Variants in MAP2 observed in about 807,000 individuals in gnomAD.
MAP2 encodes microtubule-associated protein 2.
In MAP2, 14 loss-of-function variants were observed where a neutral mutation model predicts 137.6. The observed-to-expected ratio is 0.10, with a 90% CI of 0.07 to 0.16. MAP2 has a LOEUF of 0.16. Among genes scored for constraint, MAP2 ranks in the 10% least tolerant of loss-of-function variants. The pLI is 1.00. For synonymous variants in MAP2, 786 were observed against 782.3 expected (o/e 1.00, Z -0.08); for missense variants, 2,088 against 2,191.5 (o/e 0.95, Z 0.94).
intron 2 of MAP2, among the ~76,000 whole-genome samples, chr2:209,573,353 GC>G: frequency 6.9e-6 from 1 of 145,696 alleles, no homozygotes; most frequent in South Asian, 2.2e-4. Context: ...GAGTGCAGTG[GC>G]ACGATCTCGG....
intron 1 of MAP2, among the ~76,000 whole-genome samples, chr2:209,424,921 C>T (rs1371046240): frequency 6.6e-6 from 1 of 150,626 alleles, no homozygotes; most frequent in Non-Finnish European, 1.5e-5. Flanking sequence ...TGGGGGTGGA[C>T]CTCTGAATCT....
At chr2:209,470,387 T>C (rs1705350634) in intron 1 of MAP2, among the ~76,000 whole-genome samples, 1 of 151,946 alleles carries the variant, frequency 6.6e-6, no homozygotes, top group South Asian at 2.1e-4. Flanking sequence ...TGTGCTATAC[T>C]GTAATTACGC....
At chr2:209,600,450 C>A (rs909559121) in intron 3 of MAP2, among the ~76,000 whole-genome samples, 3 of 152,106 alleles carry the variant, frequency 2.0e-5, no homozygotes, top group Non-Finnish European at 2.9e-5. Context: ...TGCTGTCAGT[C>A]CCCCCAGCTG....
chr2:209,710,515 CT>C (rs2065070321), intron 13 of MAP2: 2 of 410,816 alleles, frequency 4.9e-6, no homozygotes, highest in African/African-American at 4.2e-5. Context: ...TTTTTTTTTT[CT>C]GAATGTATCT....
chr2:209,662,929 G>T (rs1169187111), intron 5 of MAP2, among the ~76,000 whole-genome samples: 2 of 151,360 alleles, frequency 1.3e-5, no homozygotes, highest in African/African-American at 4.9e-5. Flanking sequence ...TTCTTATCAA[G>T]CAATAATGTG....
At chr2:209,581,402 T>G (rs2076381099) in intron 3 of MAP2, among the ~76,000 whole-genome samples, 1 of 152,180 alleles carries the variant, frequency 6.6e-6, no homozygotes, top group Non-Finnish European at 1.5e-5. Context: ...TTTCAGATAT[T>G]GAACAAAAGC....
chr2:209,434,138 A>G (rs886917602), intron 1 of MAP2, among the ~76,000 whole-genome samples: 3 of 152,166 alleles, frequency 2.0e-5, no homozygotes, highest in Admixed American at 6.6e-5. Context: ...CTCTTTATGC[A>G]TATATTGCTT....
At chr2:209,437,481 C>T (rs1337926322) in intron 1 of MAP2, among the ~76,000 whole-genome samples, 1 of 151,580 alleles carries the variant, frequency 6.6e-6, no homozygotes, top group Non-Finnish European at 1.5e-5. Context: ...TACATATTCT[C>T]ATGTGAAATT....
At chr2:209,610,630 C>G (rs1302898360) in intron 3 of MAP2, among the ~76,000 whole-genome samples, 1 of 152,110 alleles carries the variant, frequency 6.6e-6, no homozygotes, top group East Asian at 1.9e-4. Flanking sequence ...TAAACAGCCT[C>G]CTTATTAGAA....
chr2:209,535,340 T>C (rs1356267526), intron 2 of MAP2, among the ~76,000 whole-genome samples: 1 of 152,180 alleles, frequency 6.6e-6, no homozygotes, highest in Non-Finnish European at 1.5e-5. Flanking sequence ...CCTGGACAAC[T>C]TCACCGCATA....
chr2:209,603,803 C>T (rs958506585), intron 3 of MAP2, among the ~76,000 whole-genome samples: 4 of 152,018 alleles, frequency 2.6e-5, no homozygotes, highest in African/African-American at 7.2e-5. Flanking sequence ...AGGAAAGAAA[C>T]CACAATTGCT....
At chr2:209,473,597 TA>T (rs1372511935) in intron 1 of MAP2, among the ~76,000 whole-genome samples, 1 of 152,016 alleles carries the variant, frequency 6.6e-6, no homozygotes, top group African/African-American at 2.4e-5. Flanking sequence ...ATTTTATACT[TA>T]GGGGTATAGA....
At position 209,731,642 on chromosome 2, in the gene MAP2, T is replaced by G. The variant is rs1266192424; in HGVS notation, c.*1245T>G. 6.6e-6 allele frequency: 1 copy of G among 152,632 alleles called. No individual in the cohort carries two copies. Among genetic ancestry groups the G allele is most frequent in the Non-Finnish European group, 1.5e-5 (1 of 68,040 alleles). 9.5% of individuals were successfully genotyped at this position (152,632 alleles called of 1,614,324 possible). On this transcript the variant is annotated 3_prime_UTR_variant, in exon 16 of 16. Transcript: ENST00000682079. ...TCTTTATTTTTCTTTTTTTTTCCATTTGCTAAAGTTGAAAGTTGAAACTAA... is the reference window on the plus strand; with the variant it reads ...TCTTTATTTTTCTTTTTTTTTCCATGTGCTAAAGTTGAAAGTTGAAACTAA...
intron 5 of MAP2, among the ~76,000 whole-genome samples, chr2:209,656,336 C>T (rs1189213792): frequency 6.6e-6 from 1 of 151,740 alleles, no homozygotes; most frequent in African/African-American, 2.4e-5. Flanking sequence ...GGCAACATGG[C>T]AAAACCTCAT....
intron 2 of MAP2, among the ~76,000 whole-genome samples, chr2:209,546,379 AAATGATTATGTAGTTATGTAATATGT>A (rs745437058): frequency 6.6e-6 from 1 of 152,210 alleles, no homozygotes; most frequent in Non-Finnish European, 1.5e-5. Flanking sequence ...ATAACAAATA[AAATGATTATGTAGTTATGTAATATGT>A]AATGATTATG....
chr2:209,568,834 G>A (rs974784631), intron 2 of MAP2, among the ~76,000 whole-genome samples: 2 of 151,742 alleles, frequency 1.3e-5, no homozygotes, highest in African/African-American at 4.8e-5. Context: ...TGCTTGACTG[G>A]TTGGCTGCTA....
chr2:209,594,007 A>T (rs910893521), intron 3 of MAP2, among the ~76,000 whole-genome samples: 19 of 144,508 alleles, frequency 1.3e-4, no homozygotes, highest in African/African-American at 4.9e-4. Context: ...AATTAGCTGG[A>T]TATGGTGGCT....
Position 209,694,192 on chromosome 2 carries a change from C to T in MAP2, c.2022C>T (p.His674=), listed in dbSNP as rs1322018882. The change falls in exon 8 of 16, where the codon CAC becomes CAT. Residue 674 remains histidine, a synonymous_variant. Transcript: ENST00000682079. ...PKVYGEKRDL[H]SKNKDDLTLS... Reference sequence around the variant, plus strand: ...TGTATGGAGAGAAAAGGGACCTCCACAGTAAGAATAAGGATGATTTGACCC... The same window carrying T: ...TGTATGGAGAGAAAAGGGACCTCCATAGTAAGAATAAGGATGATTTGACCC... The T allele has an allele frequency of 1.2e-6, 2 of 1,614,096 alleles. No homozygotes were observed. Among genetic ancestry groups the T allele is most frequent in the Non-Finnish European group, 1.7e-6 (2 of 1,179,998 alleles).
rs765662688 is a variant in MAP2, at chr2:209,693,220, A to C, written c.1050A>C (p.Lys350Asn). 6.2e-7 allele frequency: 1 copy of C among 1,613,372 alleles called. No individual in the cohort carries two copies. ...CTGCCTTTTTACAGCCAGATGACAA[A>C]AAATCTCTGCAACAAACCAGTGGCC... ...FAPAFLQPDD[K>N]KSLQQTSGPA... The change falls in exon 8 of 16, where the codon AAA (lysine) becomes AAC (asparagine). Residue 350 changes from lysine (K) to asparagine (N), a missense_variant. Lys to Asn is a moderately conservative substitution (Grantham distance 94, BLOSUM62 0). Transcript: ENST00000682079.
Sources: allele counts gnomAD v4.1 joint callset (sites outside exome capture counted in the v4.1 genomes callset), GRCh38; gene constraint gnomAD v4.1.1; transcripts MANE v1.5; gene names NCBI Gene and HGNC (gene_info 2026-07-23, HGNC 2026-07-21).